Variants in CPA4 observed in about 807,000 individuals in gnomAD.
CPA4 encodes the protein carboxypeptidase A4, also known as carboxypeptidase A3.
Under a neutral mutation model 54.7 loss-of-function variants are expected in CPA4, and 49 were observed. The ratio of observed to expected loss-of-function variants is 0.90; its 90% CI spans 0.71 to 1.14. The LOEUF is 1.14. Among genes scored for constraint, CPA4 ranks in the 50% most tolerant of loss-of-function variants. The probability of loss-of-function intolerance (pLI) is 0.00; values close to 1 mark genes in which losing one functional copy is unlikely to be tolerated. For missense variants in CPA4, 487 were observed against 525.1 expected (o/e 0.93, Z 0.71); for synonymous variants, 215 against 206.8 (o/e 1.04, Z -0.34).
At chr7:130,307,107 C>T (rs1793833400) in intron 7 of CPA4, among the ~76,000 whole-genome samples, 1 of 152,192 alleles carries the variant, frequency 6.6e-6, no homozygotes, top group Admixed American at 6.5e-5. Flanking sequence ...TGAGTCTTAA[C>T]AATGACCAAC....
intron 10 of CPA4, among the ~76,000 whole-genome samples, chr7:130,314,429 C>T (rs1393243800): frequency 1.3e-5 from 2 of 152,168 alleles, no homozygotes; most frequent in Non-Finnish European, 2.9e-5. Context: ...GCTCTTTTAA[C>T]AAAGGAAGCT....
chr7:130,311,933 TCGGGGGGGG>T (rs1374199915), intron 9 of CPA4, 96 bp from the exon 10 acceptor site: 1 of 814,570 alleles, frequency 1.2e-6, no homozygotes, highest in East Asian at 2.6e-5. Context: ...AGAAAGGAAA[TCGGGGGGGG>T]CTGAGAATCT....
intron 10 of CPA4, among the ~76,000 whole-genome samples, chr7:130,312,551 G>A (rs1793931234): frequency 1.3e-5 from 2 of 152,168 alleles, no homozygotes; most frequent in African/African-American, 2.4e-5. Context: ...ATTGAATCAT[G>A]GGGGCAGGTC....
At chr7:130,297,797 A>T (rs1171053981) in intron 1 of CPA4, among the ~76,000 whole-genome samples, 1 of 152,078 alleles carries the variant, frequency 6.6e-6, no homozygotes, top group Admixed American at 6.6e-5. Flanking sequence ...TCGAGTGAGG[A>T]TTCTTTGGAG....
rs747980693 is a variant in CPA4, at chr7:130,304,465, T to C, written c.385-13T>C. 3 of 1,535,262 alleles carry C rather than the reference T, an allele frequency of 2.0e-6. No individual in the cohort carries two copies. Among genetic ancestry groups the C allele is most frequent in the African/African-American group, 2.7e-5 (2 of 73,426 alleles). Reference sequence around the variant, plus strand: ...TTTTAAAATGTCCCTGGATTCACTCTTTCATGCTTCAGATTTACCACGAGA... The same window carrying C: ...TTTTAAAATGTCCCTGGATTCACTCCTTCATGCTTCAGATTTACCACGAGA... On this transcript the variant is annotated splice_polypyrimidine_tract_variant and intron_variant, in intron 4 of 10. Transcript: ENST00000222482.
chr7:130,300,762 A>G (rs1793727670), intron 3 of CPA4, 54 bp from the exon 4 acceptor site: 1 of 1,296,564 alleles, frequency 7.7e-7, no homozygotes, highest in Admixed American at 1.7e-5. Flanking sequence ...GGCAGAAAAA[A>G]CATAAACCTG....
At chr7:130,319,494 T>G (rs1308996970) in intron 10 of CPA4, among the ~76,000 whole-genome samples, 1 of 152,198 alleles carries the variant, frequency 6.6e-6, no homozygotes, top group Non-Finnish European at 1.5e-5. Context: ...AAAAATCAAC[T>G]GACCAAAGGC....
chr7:130,322,768 C>G lies in CPA4; in HGVS notation c.*92C>G. On this transcript the variant is annotated 3_prime_UTR_variant, in exon 11 of 11. Coordinates refer to ENST00000222482, the MANE Select transcript of CPA4 (RefSeq NM_016352.4). ...GGAGCTCTTTCCTACCTGTGTGAGT[C>G]AGAGCCCTCTGGGTTTGTGGAGCAC... 1 of 1,332,004 alleles carries G rather than the reference C, an allele frequency of 7.5e-7. No homozygotes were observed. Among genetic ancestry groups the G allele is most frequent in the Non-Finnish European group, 1.0e-6 (1 of 970,088 alleles). The allele number at this position is 1,332,004 out of a possible 1,614,324, so 82.5% of individuals were successfully genotyped here. A position where few individuals can be genotyped will look rare whatever the true frequency, so the allele number is the denominator to read the frequency against.
At position 130,312,124 on chromosome 7, in the gene CPA4, TA is replaced by T; in HGVS notation, c.1078+4del. On this transcript the variant is annotated splice_donor_region_variant and intron_variant, in intron 10 of 10. Coordinates refer to ENST00000222482, the MANE Select transcript of CPA4 (RefSeq NM_016352.4). Reference sequence around the variant, plus strand: ...TGGGTCCCACCTGCACCACTGTCTGTAAGTACTCGCTTATTTATGAGTTATT... The same window carrying T: ...TGGGTCCCACCTGCACCACTGTCTGTAGTACTCGCTTATTTATGAGTTATT... 6.2e-7 allele frequency: 1 copy of T among 1,606,264 alleles called. No homozygotes were observed. The highest frequency in any genetic ancestry group is 8.5e-7 in the Non-Finnish European group (1 of 1,172,832).
chr7:130,312,028 C>T lies in CPA4; in HGVS notation c.994-10C>T. On this transcript the variant is annotated splice_polypyrimidine_tract_variant and intron_variant, in intron 9 of 10. Transcript: ENST00000222482. ...GATTTTTTCTCACTCCACGGATTCC[C>T]CCTTCCCAGGACAAGGTGGCGAGGC... is the stretch of plus-strand genomic sequence containing the variant. The T allele has an allele frequency of 3.1e-6, 5 of 1,611,976 alleles. No individual in the cohort carries two copies. Among genetic ancestry groups the T allele is most frequent in the East Asian group, 2.2e-5 (1 of 44,872 alleles).
chr7:130,305,172 C>T (rs928691225), intron 5 of CPA4, among the ~76,000 whole-genome samples: 4 of 152,162 alleles, frequency 2.6e-5, no homozygotes, highest in Admixed American at 6.5e-5. Flanking sequence ...TAAGAATTTG[C>T]CAAACCCTCA....
intron 1 of CPA4, among the ~76,000 whole-genome samples, chr7:130,298,229 C>A (rs568291309): frequency 5.9e-5 from 9 of 152,332 alleles, no homozygotes; most frequent in Admixed American, 5.9e-4. Context: ...ATGGAGGTTC[C>A]GTCAGGGTTT....
chr7:130,306,169 A>T (rs568752294), intron 6 of CPA4: 1 of 536,850 alleles, frequency 1.9e-6, no homozygotes, highest in South Asian at 2.1e-5. Flanking sequence ...CTCTGAGAGC[A>T]GTCCACTCCG....
intron 10 of CPA4, among the ~76,000 whole-genome samples, chr7:130,317,066 A>G (rs1267597248): frequency 1.3e-5 from 2 of 152,178 alleles, no homozygotes; most frequent in African/African-American, 4.8e-5. Context: ...ATGGCTGAGC[A>G]TATCTTGTAG....
intron 1 of CPA4, among the ~76,000 whole-genome samples, chr7:130,295,323 A>G (rs929171280): frequency 1.1e-4 from 17 of 152,188 alleles, no homozygotes; most frequent in Admixed American, 7.9e-4. Context: ...TGTGAGGGTG[A>G]GGGAGTGGGA....
At chr7:130,301,807 T>C (rs1453095213) in intron 4 of CPA4, among the ~76,000 whole-genome samples, 3 of 152,186 alleles carry the variant, frequency 2.0e-5, no homozygotes, top group Non-Finnish European at 4.4e-5. Flanking sequence ...CACTGCCCCT[T>C]GATCCCTCTT....
intron 10 of CPA4, among the ~76,000 whole-genome samples, chr7:130,315,079 C>T (rs1412603756): frequency 1.3e-5 from 2 of 151,538 alleles, no homozygotes; most frequent in Non-Finnish European, 2.9e-5. Flanking sequence ...TAAGGATGAT[C>T]TGGTAAGGTC....
intron 9 of CPA4, among the ~76,000 whole-genome samples, chr7:130,311,744 C>T (rs1278157568): frequency 6.6e-6 from 1 of 152,082 alleles, no homozygotes; most frequent in Non-Finnish European, 1.5e-5. Flanking sequence ...AGCCCCAGAA[C>T]CCCCATCTCT....
rs1173768533 is a variant in CPA4, at chr7:130,304,532, G to T, written c.439G>T (p.Val147Leu). 1.2e-6 allele frequency: 2 copies of T among 1,613,716 alleles called. No individual in the cohort carries two copies. The highest frequency in any genetic ancestry group is 1.7e-5 in the Admixed American group (1 of 60,000). The change falls in exon 5 of 11, where the codon GTG becomes TTG. Residue 147 changes from valine (V) to leucine (L), a missense_variant. Physicochemically the swap from Val to Leu is conservative, Grantham distance 32. Coordinates refer to ENST00000222482, the MANE Select transcript of CPA4 (RefSeq NM_016352.4). The stretch of plus-strand genomic sequence containing the variant: ...AGACTTTCCTGACCTGGCGAGGAGG[G>T]TGAAGATTGGACATTCGTTTGAAAA... ...AADFPDLARR[V>L]KIGHSFENRP...
Sources: allele counts gnomAD v4.1 joint callset (sites outside exome capture counted in the v4.1 genomes callset), GRCh38; gene constraint gnomAD v4.1.1; transcripts MANE v1.5; gene names NCBI Gene and HGNC (gene_info 2026-07-23, HGNC 2026-07-21).